The following KCNH7 variants were observed in gnomAD, a reference collection of about 807,000 sequenced individuals.
KCNH7 encodes the protein voltage-gated inwardly rectifying potassium channel KCNH7.
In KCNH7, 49 loss-of-function variants were observed where a neutral mutation model predicts 120.8. The observed-to-expected ratio is 0.41, with a 90% CI of 0.32 to 0.51. The LOEUF is 0.51. KCNH7 is among the 20% of genes least tolerant of loss of function. The pLI, the probability that KCNH7 is intolerant of heterozygous loss-of-function variation, is 0.38. For synonymous variants in KCNH7, 547 were observed against 516.1 expected (o/e 1.06, Z -0.81); for missense variants, 1,097 against 1,446.6 (o/e 0.76, Z 3.92).
chr2:162,495,492 TA>T (rs1690465070), intron 6 of KCNH7, among the ~76,000 whole-genome samples: 1 of 152,190 alleles, frequency 6.6e-6, no homozygotes, highest in Non-Finnish European at 1.5e-5. Flanking sequence ...AAAGCCAATT[TA>T]AAAGCCTATG....
intron 2 of KCNH7, among the ~76,000 whole-genome samples, chr2:162,815,208 A>G (rs1177077674): frequency 6.6e-6 from 1 of 152,194 alleles, no homozygotes; most frequent in Non-Finnish European, 1.5e-5. Context: ...ACTTATTCTA[A>G]ACATTCTGGC....
chr2:162,599,211 T>A (rs893694702), intron 2 of KCNH7, among the ~76,000 whole-genome samples: 22 of 151,044 alleles, frequency 1.5e-4, no homozygotes, highest in African/African-American at 4.4e-4. Flanking sequence ...TCTCAAAAAA[T>A]AAATAAATAA....
chr2:162,421,680 A>C (rs1442554627), intron 9 of KCNH7, among the ~76,000 whole-genome samples: 1 of 152,206 alleles, frequency 6.6e-6, no homozygotes, highest in Non-Finnish European at 1.5e-5. Flanking sequence ...GAAAGAGATA[A>C]ATCTTTCATA....
intron 3 of KCNH7, among the ~76,000 whole-genome samples, chr2:162,519,075 T>G (rs1358086784): frequency 6.6e-6 from 1 of 151,804 alleles, no homozygotes; most frequent in Non-Finnish European, 1.5e-5. Context: ...AAAGAAAGCA[T>G]AACATCTAGT....
chr2:162,678,863 G>C (rs1056949949), intron 2 of KCNH7, among the ~76,000 whole-genome samples: 3 of 151,568 alleles, frequency 2.0e-5, no homozygotes, highest in Non-Finnish European at 4.4e-5. Context: ...CAAAGGTAGA[G>C]TGAGAAAAGT....
At chr2:162,384,037 C>G (rs1480834267) in intron 13 of KCNH7, among the ~76,000 whole-genome samples, 1 of 151,736 alleles carries the variant, frequency 6.6e-6, no homozygotes, top group Non-Finnish European at 1.5e-5. Flanking sequence ...GTTGTTCTTC[C>G]ATGTAATAGT....
chr2:162,837,188 C>G (rs556516939), intron 1 of KCNH7, among the ~76,000 whole-genome samples: 1 of 152,234 alleles, frequency 6.6e-6, no homozygotes, highest in East Asian at 1.9e-4. Context: ...AACCTTGGCC[C>G]TTTGAATACA....
intron 2 of KCNH7, among the ~76,000 whole-genome samples, chr2:162,829,031 T>C (rs904195776): frequency 6.6e-6 from 1 of 152,162 alleles, no homozygotes; most frequent in Admixed American, 6.5e-5. Flanking sequence ...TTGCTTTTCT[T>C]AATTAGATAT....
chr2:162,732,846 C>T (rs1383691268), intron 2 of KCNH7, among the ~76,000 whole-genome samples: 2 of 152,166 alleles, frequency 1.3e-5, no homozygotes, highest in Non-Finnish European at 2.9e-5. Context: ...TCTTTCTACA[C>T]CTCCATCATT....
chr2:162,528,747 A>G (rs191007848), intron 3 of KCNH7, among the ~76,000 whole-genome samples: 286 of 152,108 alleles, frequency 1.9e-3, no homozygotes, highest in African/African-American at 6.6e-3. Flanking sequence ...ATAACATGTA[A>G]TCCTGAAGAA....
intron 2 of KCNH7, among the ~76,000 whole-genome samples, chr2:162,590,653 G>T (rs922302472): frequency 2.0e-5 from 3 of 152,040 alleles, no homozygotes; most frequent in South Asian, 2.1e-4. Flanking sequence ...CAAAGTCCCT[G>T]GTCCAATCTA....
At chr2:162,517,037 T>A (rs1691323882) in intron 4 of KCNH7, among the ~76,000 whole-genome samples, 1 of 151,780 alleles carries the variant, frequency 6.6e-6, no homozygotes, top group Non-Finnish European at 1.5e-5. Context: ...ACTTAACCGA[T>A]GTTATCAATT....
At chr2:162,582,576 G>T (rs1693910200) in intron 2 of KCNH7, among the ~76,000 whole-genome samples, 1 of 152,086 alleles carries the variant, frequency 6.6e-6, no homozygotes, top group African/African-American at 2.4e-5. Context: ...AGCCAGCCCT[G>T]CTGAAGGGGG....
chr2:162,492,064 A>T (rs1690329467), intron 6 of KCNH7, among the ~76,000 whole-genome samples: 1 of 152,164 alleles, frequency 6.6e-6, no homozygotes, highest in Non-Finnish European at 1.5e-5. Flanking sequence ...ACATGCCCCG[A>T]AAAGGGCAAA....
At chr2:162,584,778 A>G (rs1017130009) in intron 2 of KCNH7, among the ~76,000 whole-genome samples, 1 of 151,596 alleles carries the variant, frequency 6.6e-6, no homozygotes, top group Admixed American at 6.6e-5. Flanking sequence ...AACTTACTCC[A>G]TGTAGAAAGA....
intron 2 of KCNH7, among the ~76,000 whole-genome samples, chr2:162,803,210 A>C (rs565460291): frequency 1.1e-4 from 17 of 151,894 alleles, no homozygotes; most frequent in Non-Finnish European, 2.2e-4. Context: ...GGAATATTTT[A>C]ATTATTTAAA....
chr2:162,757,855 G>A (rs1393469313), intron 2 of KCNH7, among the ~76,000 whole-genome samples: 1 of 152,078 alleles, frequency 6.6e-6, no homozygotes, highest in Non-Finnish European at 1.5e-5. Context: ...CTGCCATTGA[G>A]TGCCATATTT....
chr2:162,773,335 A>C (rs1683127154), intron 2 of KCNH7, among the ~76,000 whole-genome samples: 1 of 152,122 alleles, frequency 6.6e-6, no homozygotes, highest in African/African-American at 2.4e-5. Context: ...TAAAAATACA[A>C]AAATTAGCTG....
chr2:162,808,131 T>C (rs560778263), intron 2 of KCNH7, among the ~76,000 whole-genome samples: 1 of 152,344 alleles, frequency 6.6e-6, no homozygotes, highest in South Asian at 2.1e-4. Flanking sequence ...CCTACACACA[T>C]CTCCTGTATT....
Sources: gnomAD v4.1 joint callset for allele counts (sites outside exome capture counted in the v4.1 genomes callset) on GRCh38, gnomAD v4.1.1 for gene constraint, MANE v1.5 for transcripts, NCBI Gene and HGNC (gene_info 2026-07-23, HGNC 2026-07-21) for gene names.